SUCLG2: variants seen among roughly 807,000 people sequenced by gnomAD.
SUCLG2 encodes the protein succinate--CoA ligase [GDP-forming] subunit beta, mitochondrial.
In SUCLG2, 42 loss-of-function variants were observed where a neutral mutation model predicts 47.9. The ratio of observed to expected loss-of-function variants is 0.88; its 90% CI spans 0.69 to 1.14. The LOEUF is 1.14. Ranked by LOEUF, SUCLG2 falls within the 50% of genes most tolerant of loss-of-function variation. The pLI is 0.00. For synonymous variants in SUCLG2, 195 were observed against 197.3 expected, an observed-to-expected ratio of 0.99 and a Z score of 0.10; for missense variants, 571 against 525.9, an observed-to-expected ratio of 1.09 and a Z score of -0.84.
At chr3:67,495,646 C>G in intron 9 of SUCLG2, 152 bp downstream of exon 9, 2 of 853,108 alleles carry the variant, frequency 2.3e-6, no homozygotes, top group East Asian at 5.5e-5. Context: ...AGTAAGACTC[C>G]GTCTCAAAAA....
At chr3:67,625,873 G>C (rs1700817080) in intron 1 of SUCLG2, among the ~76,000 whole-genome samples, 1 of 151,430 alleles carries the variant, frequency 6.6e-6, no homozygotes, top group Non-Finnish European at 1.5e-5. Context: ...TATATTCATA[G>C]CAGCACTAGG....
chr3:67,639,790 G>GAAAAAAAAA (rs1343843395), intron 1 of SUCLG2, among the ~76,000 whole-genome samples: 1 of 151,964 alleles, frequency 6.6e-6, no homozygotes, highest in Non-Finnish European at 1.5e-5. Context: ...ATGCCTCCCC[G>GAAAAAAAAA]AAAAGCCACT....
At position 67,502,086 on chromosome 3, in the gene SUCLG2, G is replaced by A. The variant is rs149598533; in HGVS notation, c.758-3791C>T. 3.3e-3 allele frequency among the ~76,000 whole-genome samples: 507 copies of A among 152,160 alleles called. 3 individuals are homozygous for A. Among genetic ancestry groups the A allele is most frequent in the African/African-American group, 0.012 (482 of 41,514 alleles). On this transcript the variant is annotated intron_variant, in intron 7 of 10. Transcript: ENST00000307227. ...CTTGGTCTTACAAATGACATCCAAAGTGGAGTCAGTCTGATAAGACTGACC... is the reference window on the plus strand; with the variant it reads ...CTTGGTCTTACAAATGACATCCAAAATGGAGTCAGTCTGATAAGACTGACC...
At chr3:67,492,346 C>G (rs1208192705) in intron 9 of SUCLG2, among the ~76,000 whole-genome samples, 2 of 152,080 alleles carry the variant, frequency 1.3e-5, no homozygotes, top group Non-Finnish European at 2.9e-5. Context: ...CAACATATTC[C>G]AGATGTTACA....
At chr3:67,540,567 C>T (rs1706676954) in intron 2 of SUCLG2, among the ~76,000 whole-genome samples, 1 of 152,224 alleles carries the variant, frequency 6.6e-6, no homozygotes, top group African/African-American at 2.4e-5. Flanking sequence ...ATAGATCAAA[C>T]TCCCATCTCC....
chr3:67,598,294 G>A (rs1708339835), intron 2 of SUCLG2, among the ~76,000 whole-genome samples: 1 of 152,096 alleles, frequency 6.6e-6, no homozygotes, highest in African/African-American at 2.4e-5. Context: ...AACTCTCACT[G>A]TCTTTCCTAC....
chr3:67,634,396 T>C (rs1370495380), intron 1 of SUCLG2, among the ~76,000 whole-genome samples: 7 of 152,170 alleles, frequency 4.6e-5, no homozygotes, highest in African/African-American at 9.7e-5. Flanking sequence ...TTTGTAAAAT[T>C]ATATTAAAAT....
intron 1 of SUCLG2, among the ~76,000 whole-genome samples, chr3:67,651,962 T>A (rs1701293069): frequency 6.6e-6 from 1 of 152,186 alleles, no homozygotes; most frequent in South Asian, 2.1e-4. Flanking sequence ...CTCTCCCACC[T>A]CCATTAAAAT....
At chr3:67,562,270 C>T (rs148559335) in intron 2 of SUCLG2, among the ~76,000 whole-genome samples, 1,564 of 151,854 alleles carry the variant, frequency 0.01, 21 homozygotes, top group East Asian at 0.044. Context: ...TTCTCCAATT[C>T]AGTTTTTTTG....
At chr3:67,621,899 A>G (rs1310041226) in intron 1 of SUCLG2, among the ~76,000 whole-genome samples, 2 of 152,204 alleles carry the variant, frequency 1.3e-5, no homozygotes, top group Non-Finnish European at 2.9e-5. Flanking sequence ...TGGCCTATGT[A>G]TTACATTTAA....
intron 10 of SUCLG2, among the ~76,000 whole-genome samples, chr3:67,377,063 C>T (rs1164172394): frequency 1.3e-5 from 2 of 152,196 alleles, no homozygotes; most frequent in Admixed American, 6.5e-5. Flanking sequence ...TTATGTATGC[C>T]AGGCACAGTG....
At chr3:67,622,036 T>C (rs1006056079) in intron 1 of SUCLG2, among the ~76,000 whole-genome samples, 1 of 152,186 alleles carries the variant, frequency 6.6e-6, no homozygotes, top group African/African-American at 2.4e-5. Context: ...TCTGCTACAG[T>C]GGCCCATCTG....
intron 9 of SUCLG2, among the ~76,000 whole-genome samples, chr3:67,406,112 A>T (rs1702801345): frequency 6.6e-6 from 1 of 152,180 alleles, no homozygotes; most frequent in Non-Finnish European, 1.5e-5. Flanking sequence ...TTCGCAGATG[A>T]GAAAACCAAG....
chr3:67,411,616 T>C (rs1363678372), intron 9 of SUCLG2, among the ~76,000 whole-genome samples: 1 of 152,184 alleles, frequency 6.6e-6, no homozygotes, highest in Non-Finnish European at 1.5e-5. Context: ...AACACATACA[T>C]GTTTTATTCA....
At chr3:67,599,089 T>C (rs550132917) in intron 2 of SUCLG2, among the ~76,000 whole-genome samples, 1 of 152,346 alleles carries the variant, frequency 6.6e-6, no homozygotes, top group South Asian at 2.1e-4. Context: ...ATACACAGCA[T>C]GATCTCATTT....
chr3:67,505,539 G>A (rs991166249), intron 7 of SUCLG2, among the ~76,000 whole-genome samples: 2 of 152,182 alleles, frequency 1.3e-5, no homozygotes, highest in South Asian at 4.1e-4. Flanking sequence ...TAGCAGCATA[G>A]ATGTTATCAA....
chr3:67,601,643 A>G (rs762845974), intron 2 of SUCLG2, among the ~76,000 whole-genome samples: 1 of 152,156 alleles, frequency 6.6e-6, no homozygotes, highest in Non-Finnish European at 1.5e-5. Flanking sequence ...ACATGCCAAC[A>G]TAACTTCTTT....
rs535039380 is a variant in SUCLG2, at chr3:67,376,118, C to T, written c.1184-259G>A. The T allele has an allele frequency of 5.1e-6, 5 of 985,458 alleles. No individual in the cohort carries two copies. In the African/African-American group the frequency reaches 7.0e-5, roughly 14 times the overall value. 61.0% of individuals were successfully genotyped at this position (985,458 alleles called of 1,614,324 possible). ...ATTTTACTGATGGAAGCTGAGTTGT[C>T]TGCTGATAATCACAGCCATGTGGAT... On this transcript the variant is annotated intron_variant, in intron 10 of 10. Transcript: ENST00000307227.
chr3:67,366,790 T>A (rs1701882430), intron 10 of SUCLG2, among the ~76,000 whole-genome samples: 3 of 152,280 alleles, frequency 2.0e-5, no homozygotes, highest in South Asian at 4.1e-4. Context: ...TTTTGTATAC[T>A]CAGGAGGCAA....
Sources: allele counts gnomAD v4.1 joint callset (sites outside exome capture counted in the v4.1 genomes callset), GRCh38; gene constraint gnomAD v4.1.1; transcripts MANE v1.5; gene names NCBI Gene and HGNC (gene_info 2026-07-23, HGNC 2026-07-21).